PDE1C: variants seen among roughly 807,000 people sequenced by gnomAD.
PDE1C encodes dual specificity calcium/calmodulin-dependent 3',5'-cyclic nucleotide phosphodiesterase 1C.
Under a neutral mutation model 93.1 loss-of-function variants are expected in PDE1C, and 62 were observed. The ratio of observed to expected loss-of-function variants is 0.67; its 90% CI spans 0.54 to 0.82. The LOEUF (loss-of-function observed/expected upper bound fraction) is 0.82. PDE1C is among the 40% of genes least tolerant of loss of function. The pLI is 0.00. For missense variants in PDE1C, 742 were observed against 884.6 expected, an observed-to-expected ratio of 0.84 and a Z score of 2.04; for synonymous variants, 325 against 310.1, an observed-to-expected ratio of 1.05 and a Z score of -0.50.
chr7:31,867,898 A>G (rs1429802198), intron 6 of PDE1C, among the ~76,000 whole-genome samples: 2 of 152,168 alleles, frequency 1.3e-5, no homozygotes, highest in African/African-American at 4.8e-5. Context: ...ACTAACAATT[A>G]CACTCTAAGC....
chr7:31,689,832 T>C, the PDE1C span, among the ~76,000 whole-genome samples: 1 of 152,240 alleles, frequency 6.6e-6, no homozygotes, highest in African/African-American at 2.4e-5. Context: ...AACACATCCC[T>C]GCACGGCATG....
chr7:31,942,297 G>A lies in PDE1C; in HGVS notation c.129-61437C>T, dbSNP rs923285489. ...CATGAATTCTTCTAAAGCTCTCCAGGAAAAGTATCAGTTTCAGGGTCACTA... is the reference window on the plus strand; with the variant it reads ...CATGAATTCTTCTAAAGCTCTCCAGAAAAAGTATCAGTTTCAGGGTCACTA... On this transcript the variant is annotated intron_variant, in intron 2 of 17. Coordinates refer to ENST00000396191, the MANE Select transcript of PDE1C (RefSeq NM_001191057.4). Among the ~76,000 whole-genome samples the A allele has an allele frequency of 3.3e-5, 5 of 152,158 alleles. No individual in the cohort carries two copies. In the East Asian group the frequency reaches 9.7e-4, roughly 29 times the overall value.
chr7:32,278,509 C>T lies in PDE1C; in HGVS notation c.85+20142G>A, dbSNP rs139486945. Among the ~76,000 whole-genome samples, 345 of 152,308 alleles carry T rather than the reference C, an allele frequency of 2.3e-3. 2 individuals are homozygous for T. Among genetic ancestry groups the T allele is most frequent in the Middle Eastern group, 6.8e-3 (2 of 294 alleles). On this transcript the variant is annotated intron_variant, in intron 1 of 18. Transcript: ENST00000396193. Reference sequence around the variant, plus strand: ...TGAAAAATCCATTAGAAGAGATTCACATCTACTCACATGCTTACAAACTAT... The same window carrying T: ...TGAAAAATCCATTAGAAGAGATTCATATCTACTCACATGCTTACAAACTAT...
rs568875579 is a variant in PDE1C, at chr7:32,398,636, G to A, written c.310+29186C>T. On this transcript the variant is annotated intron_variant, in intron 1 of 1. Coordinates refer to the PDE1C transcript ENST00000672256. ...ACTCCTGACCTCAAGTGATCCTCCCGTCTCGGCCTCCCAAAGTGCTGGGAT... is the reference window on the plus strand; with the variant it reads ...ACTCCTGACCTCAAGTGATCCTCCCATCTCGGCCTCCCAAAGTGCTGGGAT... Among the ~76,000 whole-genome samples the A allele has an allele frequency of 9.9e-5, 15 of 152,084 alleles. 1 individual carries two copies. The South Asian group carries it at 1.7e-3, about 17-fold the overall frequency.
At chr7:31,698,480 T>TCA in the PDE1C span, among the ~76,000 whole-genome samples, 39 of 152,150 alleles carry the variant, frequency 2.6e-4, no homozygotes, top group Admixed American at 5.2e-4. Flanking sequence ...TCAGTTTCTT[T>TCA]CACACACACA....
chr7:31,997,746 C>T (rs1784903552), intron 2 of PDE1C, among the ~76,000 whole-genome samples: 1 of 152,124 alleles, frequency 6.6e-6, no homozygotes, highest in South Asian at 2.1e-4. Context: ...AGTGGACCAT[C>T]CCACCTACAC....
chr7:31,808,890 AC>A (rs1465332459), intron 16 of PDE1C, 140 bp downstream of exon 16: 5 of 543,094 alleles, frequency 9.2e-6, no homozygotes, highest in African/African-American at 5.8e-5. Flanking sequence ...GGATAATAGT[AC>A]CCTTTAAATA....
At chr7:31,935,339 A>C (rs1804891284) in intron 2 of PDE1C, among the ~76,000 whole-genome samples, 1 of 152,148 alleles carries the variant, frequency 6.6e-6, no homozygotes, top group Non-Finnish European at 1.5e-5. Flanking sequence ...AAATTAAGTC[A>C]GTTATTTCAA....
At chr7:31,846,568 G>T (rs1176384875) in intron 9 of PDE1C, among the ~76,000 whole-genome samples, 3 of 152,032 alleles carry the variant, frequency 2.0e-5, no homozygotes, top group African/African-American at 7.2e-5. Flanking sequence ...TATAGGTATG[G>T]GCAAAGACTT....
chr7:31,907,847 A>G (rs190831212), intron 2 of PDE1C, among the ~76,000 whole-genome samples: 256 of 152,262 alleles, frequency 1.7e-3, no homozygotes, highest in Middle Eastern at 0.01. Flanking sequence ...TCAGTGTTAG[A>G]AATTACCTGG....
intron 2 of PDE1C, among the ~76,000 whole-genome samples, chr7:32,008,396 C>A (rs548599203): frequency 6.6e-5 from 10 of 152,170 alleles, no homozygotes; most frequent in Admixed American, 1.3e-4. Context: ...ATTAAGGATC[C>A]TTTCCACACA....
intron 2 of PDE1C, among the ~76,000 whole-genome samples, chr7:31,938,697 A>T (rs1476413659): frequency 6.6e-6 from 1 of 152,188 alleles, no homozygotes; most frequent in African/African-American, 2.4e-5. Context: ...TTTTTGTTGA[A>T]TGAATAACTG....
chr7:31,832,245 G>A (rs1207396299), intron 11 of PDE1C, among the ~76,000 whole-genome samples: 1 of 152,150 alleles, frequency 6.6e-6, no homozygotes, highest in Non-Finnish European at 1.5e-5. Flanking sequence ...AATTGTAAGA[G>A]ATGTTTGCAA....
intron 1 of PDE1C, among the ~76,000 whole-genome samples, chr7:32,067,681 C>G (rs58814922): frequency 6.6e-6 from 1 of 152,140 alleles, no homozygotes; most frequent in South Asian, 2.1e-4. Context: ...GCCCATTTCC[C>G]ACCTCAGTTT....
intron 16 of PDE1C, chr7:31,789,427 T>C (rs568441889): frequency 6.5e-6 from 1 of 153,986 alleles, no homozygotes; most frequent in South Asian, 2.1e-4. Flanking sequence ...ACCACAGATA[T>C]CCAAAAGAAG....
intron 1 of PDE1C, among the ~76,000 whole-genome samples, chr7:32,257,361 A>G (rs1294693498): frequency 6.6e-6 from 1 of 152,184 alleles, no homozygotes; most frequent in Non-Finnish European, 1.5e-5. Context: ...GCAAAGGCGC[A>G]ATGAAGACTA....
chr7:32,139,058 T>C (rs1031958412), intron 3 of PDE1C, among the ~76,000 whole-genome samples: 1 of 152,208 alleles, frequency 6.6e-6, no homozygotes, highest in Non-Finnish European at 1.5e-5. Flanking sequence ...AGTTTCAACA[T>C]AAATAATTAA....
At chr7:32,011,881 C>T (rs1378252491) in intron 2 of PDE1C, among the ~76,000 whole-genome samples, 1 of 152,172 alleles carries the variant, frequency 6.6e-6, no homozygotes, top group African/African-American at 2.4e-5. Flanking sequence ...TATGAATGTT[C>T]TTAGCAACTA....
At chr7:31,656,999 T>C in the PDE1C span, among the ~76,000 whole-genome samples, 146,634 of 149,844 alleles carry the variant, frequency 0.98, 71,755 homozygotes, top group East Asian at 1. Flanking sequence ...GACTGAATTA[T>C]ACCACTGGCT....
Sources: gnomAD v4.1 joint callset for allele counts (sites outside exome capture counted in the v4.1 genomes callset) on GRCh38, gnomAD v4.1.1 for gene constraint, MANE v1.5 for transcripts, NCBI Gene and HGNC (gene_info 2026-07-23, HGNC 2026-07-21) for gene names.